The following ZNF804B variants were observed in gnomAD, a reference collection of about 807,000 sequenced individuals.
ZNF804B encodes the protein zinc finger protein 804B, also known as zinc finger 804B.
In ZNF804B, 80 loss-of-function variants were observed where a neutral mutation model predicts 101.4. The ratio of observed to expected loss-of-function variants is 0.79; its 90% CI spans 0.66 to 0.95. ZNF804B has a LOEUF of 0.95. Ranked by LOEUF, ZNF804B falls within the 40% of genes least tolerant of loss-of-function variation. The pLI, the probability that ZNF804B is intolerant of heterozygous loss-of-function variation, is 0.00. For missense variants in ZNF804B, 1,673 were observed against 1,561.9 expected (o/e 1.07, Z -1.20); for synonymous variants, 622 against 558.8 (o/e 1.11, Z -1.59).
At chr7:88,853,165 A>G (rs1006927236) in intron 1 of ZNF804B, among the ~76,000 whole-genome samples, 2 of 152,140 alleles carry the variant, frequency 1.3e-5, no homozygotes, top group African/African-American at 4.8e-5. Flanking sequence ...TCATCTGGAG[A>G]AAAGATAACC....
intron 1 of ZNF804B, 105 bp downstream of exon 1, chr7:88,760,189 T>C: frequency 1.1e-6 from 1 of 910,064 alleles, no homozygotes; most frequent in Non-Finnish European, 1.8e-6. Flanking sequence ...GTGGTGGACA[T>C]CTAAAACGTA....
chr7:88,793,102 C>T (rs1224765766), intron 1 of ZNF804B, among the ~76,000 whole-genome samples: 1 of 151,762 alleles, frequency 6.6e-6, no homozygotes, highest in Non-Finnish European at 1.5e-5. Flanking sequence ...CCATTAACTC[C>T]AAAGTTGGTT....
intron 1 of ZNF804B, among the ~76,000 whole-genome samples, chr7:88,875,432 AAG>A (rs1301783295): frequency 6.6e-6 from 1 of 152,198 alleles, no homozygotes; most frequent in Non-Finnish European, 1.5e-5. Flanking sequence ...TAAAGAAAAA[AAG>A]AGAGAAGAAT....
intron 2 of ZNF804B, among the ~76,000 whole-genome samples, chr7:89,326,120 T>C (rs2115979690): frequency 6.6e-6 from 1 of 152,184 alleles, no homozygotes; most frequent in East Asian, 1.9e-4. Flanking sequence ...AGCATAATTA[T>C]ATTTCTTGAA....
chr7:88,965,563 T>C (rs181703282), intron 1 of ZNF804B, among the ~76,000 whole-genome samples: 3 of 151,552 alleles, frequency 2.0e-5, no homozygotes, highest in African/African-American at 7.2e-5. Flanking sequence ...GTCTGAGCTA[T>C]AAAGAGATGA....
intron 1 of ZNF804B, among the ~76,000 whole-genome samples, chr7:89,151,797 ATGT>A (rs1157267577): frequency 6.6e-6 from 1 of 152,024 alleles, no homozygotes; most frequent in Non-Finnish European, 1.5e-5. Context: ...CAATGGTATG[ATGT>A]TGGGGGAAGA....
intron 1 of ZNF804B, among the ~76,000 whole-genome samples, chr7:88,802,091 G>A (rs534196228): frequency 6.6e-6 from 1 of 151,992 alleles, no homozygotes; most frequent in South Asian, 2.1e-4. Flanking sequence ...TAAAAATGGC[G>A]GTATCTCCTG....
At chr7:88,849,251 A>G (rs921987765) in intron 1 of ZNF804B, among the ~76,000 whole-genome samples, 1 of 152,014 alleles carries the variant, frequency 6.6e-6, no homozygotes, top group Non-Finnish European at 1.5e-5. Context: ...TCCATATCTC[A>G]CTTCATTTAC....
intron 1 of ZNF804B, among the ~76,000 whole-genome samples, chr7:88,805,963 C>CTT (rs35873026): frequency 6.9e-6 from 1 of 144,134 alleles, no homozygotes; most frequent in Non-Finnish European, 1.5e-5. Flanking sequence ...TAGCTTTGTG[C>CTT]TTTTTTTTTT....
At chr7:89,209,282 G>C (rs1367115841) in intron 1 of ZNF804B, among the ~76,000 whole-genome samples, 1 of 151,636 alleles carries the variant, frequency 6.6e-6, no homozygotes, top group African/African-American at 2.4e-5. Flanking sequence ...TTTAATGTGG[G>C]CATCTTTGAT....
At chr7:88,867,002 G>T (rs976309871) in intron 1 of ZNF804B, among the ~76,000 whole-genome samples, 1 of 152,128 alleles carries the variant, frequency 6.6e-6, no homozygotes, top group Non-Finnish European at 1.5e-5. Flanking sequence ...CAACAGAATT[G>T]TGTGCATTGC....
At chr7:88,912,517 T>A (rs1309266298) in intron 1 of ZNF804B, among the ~76,000 whole-genome samples, 2 of 152,142 alleles carry the variant, frequency 1.3e-5, no homozygotes, top group Non-Finnish European at 2.9e-5. Context: ...TATGCATTCT[T>A]CTGAAAGCTA....
chr7:88,975,113 T>G (rs1356167121), intron 1 of ZNF804B, among the ~76,000 whole-genome samples: 1 of 151,342 alleles, frequency 6.6e-6, no homozygotes, highest in Non-Finnish European at 1.5e-5. Flanking sequence ...CAGAATGGCA[T>G]TTTTTTATAG....
intron 1 of ZNF804B, among the ~76,000 whole-genome samples, chr7:88,828,719 A>T (rs1285114811): frequency 6.6e-6 from 1 of 152,154 alleles, no homozygotes; most frequent in African/African-American, 2.4e-5. Flanking sequence ...GCATCTATTG[A>T]GATGATCATA....
intron 1 of ZNF804B, among the ~76,000 whole-genome samples, chr7:89,011,898 G>T (rs1379009930): frequency 1.3e-5 from 2 of 152,136 alleles, no homozygotes; most frequent in African/African-American, 4.8e-5. Context: ...ACTCAGTAGT[G>T]CTCCAGTGGG....
intron 1 of ZNF804B, among the ~76,000 whole-genome samples, chr7:89,013,130 C>T (rs1210858200): frequency 6.6e-6 from 1 of 152,102 alleles, no homozygotes; most frequent in African/African-American, 2.4e-5. Flanking sequence ...CTGCCCTTGA[C>T]ACATGGAAAT....
intron 1 of ZNF804B, among the ~76,000 whole-genome samples, chr7:88,966,462 T>C (rs1343745754): frequency 6.6e-6 from 1 of 151,558 alleles, no homozygotes; most frequent in Non-Finnish European, 1.5e-5. Context: ...GTATGACCTG[T>C]AGTTTTAAAA....
rs533501706 is a variant in ZNF804B, at chr7:89,073,601, A to G, written c.109-144554A>G. Among the ~76,000 whole-genome samples, 343 of 152,232 alleles carry G rather than the reference A, an allele frequency of 2.3e-3. 4 individuals are homozygous for G. The highest frequency in any genetic ancestry group is 5.6e-3 in the Admixed American group (86 of 15,274). On this transcript the variant is annotated intron_variant, in intron 1 of 3. Transcript: ENST00000333190. ...TTTTTTAAGAACTTTTTCTATATTC[A>G]TAAGTAAAATTAGTCTATTATTTTG...
At chr7:89,268,343 G>C (rs573785092) in intron 2 of ZNF804B, among the ~76,000 whole-genome samples, 1 of 151,928 alleles carries the variant, frequency 6.6e-6, no homozygotes, top group African/African-American at 2.4e-5. Context: ...AAAACATCTA[G>C]GGAAGTCAGT....
Sources: allele counts gnomAD v4.1 joint callset (sites outside exome capture counted in the v4.1 genomes callset), GRCh38; gene constraint gnomAD v4.1.1; transcripts MANE v1.5; gene names NCBI Gene and HGNC (gene_info 2026-07-23, HGNC 2026-07-21).